Variants in MYOM2 observed in about 807,000 individuals in gnomAD.
MYOM2 encodes myomesin 2.
MYOM2 carries 254 observed loss-of-function variants against 187.6 expected under a neutral mutation model. The observed-to-expected ratio is 1.35, with a 90% CI of 1.22 to 1.50. The LOEUF is 1.50. MYOM2 is among the 40% of genes most tolerant of loss of function. The pLI is 0.00. For synonymous variants in MYOM2, 981 were observed against 753.8 expected (o/e 1.30, Z -4.94); for missense variants, 2,796 against 1,924.0 (o/e 1.45, Z -8.48).
intron 25 of MYOM2, among the ~76,000 whole-genome samples, chr8:2,112,882 G>A (rs1797113373): frequency 6.6e-6 from 1 of 152,242 alleles, no homozygotes; most frequent in Non-Finnish European, 1.5e-5. Flanking sequence ...TGTGAGAGGA[G>A]TGTGGTTCCA....
At chr8:2,130,269 C>T (rs931861657) in intron 32 of MYOM2, among the ~76,000 whole-genome samples, 17 of 140,822 alleles carry the variant, frequency 1.2e-4, no homozygotes, top group Non-Finnish European at 1.9e-4. Flanking sequence ...TAACGCCCGT[C>T]AGTACCCTAT....
chr8:2,080,030 G>A (rs1181217724), intron 13 of MYOM2, among the ~76,000 whole-genome samples: 4 of 152,164 alleles, frequency 2.6e-5, no homozygotes, highest in South Asian at 2.1e-4. Context: ...TAACTGAAAT[G>A]GATTGAGTCT....
chr8:2,071,828 G>A (rs1819232171), intron 8 of MYOM2, among the ~76,000 whole-genome samples: 2 of 152,128 alleles, frequency 1.3e-5, no homozygotes, highest in African/African-American at 2.4e-5. Flanking sequence ...GGTTGCTGAC[G>A]GCACCTGCTC....
Position 2,129,149 on chromosome 8 carries a change from G to A in MYOM2, c.3717G>A (p.Lys1239=). The A allele has an allele frequency of 6.2e-7, 1 of 1,609,042 alleles. No individual in the cohort carries two copies. The highest frequency in any genetic ancestry group is 8.5e-7 in the Non-Finnish European group (1 of 1,175,700). The change falls in exon 32 of 37, where the codon AAG becomes AAA. Residue 1239 remains lysine, a synonymous_variant. Transcript: ENST00000262113. ...CAGGGAAATCTGCTTCGCCACTGAA[G>A]GTACTCTGCACCCCAGAAGGAATAC... is the stretch of plus-strand genomic sequence containing the variant. The part of the protein sequence containing the change: ...RVCGKSASPL[K]VLCTPEGIRL...
intron 5 of MYOM2, among the ~76,000 whole-genome samples, chr8:2,058,271 G>A (rs999446373): frequency 2.0e-5 from 3 of 151,936 alleles, no homozygotes; most frequent in East Asian, 1.9e-4. Context: ...CACCTGCCTC[G>A]GCCTCCCAAA....
At chr8:2,055,933 G>A (rs1166178649) in intron 3 of MYOM2, among the ~76,000 whole-genome samples, 3 of 152,040 alleles carry the variant, frequency 2.0e-5, no homozygotes, top group Non-Finnish European at 4.4e-5. Flanking sequence ...TGCCACAGGC[G>A]GCGCTCCGGC....
chr8:2,139,115 C>A (rs1303082082), intron 32 of MYOM2, among the ~76,000 whole-genome samples: 1 of 151,432 alleles, frequency 6.6e-6, no homozygotes, highest in Non-Finnish European at 1.5e-5. Context: ...CCACCAGAGA[C>A]CGGGACGCAG....
intron 32 of MYOM2, 125 bp from the exon 33 acceptor site, chr8:2,140,598 T>C (rs1297460753): frequency 1.1e-6 from 1 of 884,320 alleles, no homozygotes; most frequent in Admixed American, 2.7e-5. Flanking sequence ...GCCAGAATAA[T>C]CTATTGTGAC....
chr8:2,116,104 G>C lies in MYOM2; in HGVS notation c.3325G>C (p.Ala1109Pro), dbSNP rs780552871. Residue 1109 changes from alanine to proline, a missense_variant and splice_region_variant, in exon 26 of 37, where the codon GCA (alanine) becomes CCA (proline). Coordinates refer to ENST00000262113, the MANE Select transcript of MYOM2 (RefSeq NM_003970.4). The stretch of plus-strand genomic sequence containing the variant: ...GTCTTCTCTAGTTCTTATTGGAGAT[G>C]GTATGCTATATCGAATATTTCCACG... The part of the protein sequence containing the change: ...SQSSLVLIGD[A>P]FKTVLEEAEF... The C allele has an allele frequency of 6.3e-7, 1 of 1,593,228 alleles. No individual in the cohort carries two copies. Among genetic ancestry groups the C allele is most frequent in the African/African-American group, 1.5e-5 (1 of 66,444 alleles).
Position 2,085,311 on chromosome 8 carries a change from T to G in MYOM2, c.1565T>G (p.Ile522Ser), listed in dbSNP as rs1438300669. 1.9e-6 allele frequency: 3 copies of G among 1,613,942 alleles called. No individual in the cohort carries two copies. The African/African-American group carries it at 4.0e-5, about 22-fold the overall frequency. ...CCCACCGGTGTGCACGCTTCCGAGA[T>G]CAGCAGAAACTATGTCGTCCTCAGC... The part of the protein sequence containing the change: ...GPPTGVHASE[I>S]SRNYVVLSWE... Residue 522 changes from isoleucine to serine, a missense_variant, in exon 14 of 37, where the codon ATC (isoleucine) becomes AGC (serine). By Grantham distance (142) the Ile-to-Ser change is moderately radical (BLOSUM62 -2). Transcript: ENST00000262113.
chr8:2,106,487 T>A lies in MYOM2; in HGVS notation c.2892-4T>A. On this transcript the variant is annotated splice_region_variant and splice_polypyrimidine_tract_variant and intron_variant, in intron 22 of 36. Transcript: ENST00000262113. ...GACATTCACCTACTCTTCTTCCTTT[T>A]TAGCTCCAAGCTGTACTTAAAGAAT... The A allele has an allele frequency of 6.2e-7, 1 of 1,611,178 alleles. No homozygotes were observed. Among genetic ancestry groups the A allele is most frequent in the Non-Finnish European group, 8.5e-7 (1 of 1,177,512 alleles).
In MYOM2 at chr8:2,126,321, C is replaced by G. The variant is rs111502073; in HGVS notation, c.3694+2104C>G. On this transcript the variant is annotated intron_variant, in intron 31 of 36. Transcript: ENST00000262113. ...GGGCTGGAGTCTCTCCCTGACATAT[C>G]AGAATGGAAGAAGTGGAAGGCATGT... Among the ~76,000 whole-genome samples, 695 of 152,198 alleles carry G rather than the reference C, an allele frequency of 4.6e-3. 4 individuals carry two copies. Among genetic ancestry groups the G allele is most frequent in the African/African-American group, 0.016 (651 of 41,496 alleles).
intron 28 of MYOM2, among the ~76,000 whole-genome samples, chr8:2,118,581 G>A (rs997487066): frequency 5.9e-5 from 9 of 152,216 alleles, no homozygotes; most frequent in Admixed American, 2.6e-4. Flanking sequence ...CGTGTGCCAA[G>A]GGGACTAAGA....
chr8:2,099,578 C>G lies in MYOM2; in HGVS notation c.2440+595C>G, dbSNP rs777397952. Among the ~76,000 whole-genome samples, 3 of 152,258 alleles carry G rather than the reference C, an allele frequency of 2.0e-5. No homozygotes were observed. In the South Asian group the frequency reaches 6.2e-4, roughly 32 times the overall value. On this transcript the variant is annotated intron_variant, in intron 19 of 36. Coordinates refer to ENST00000262113, the MANE Select transcript of MYOM2 (RefSeq NM_003970.4). ...TTGTTGCAGACCTGCATTTATTTAG[C>G]TCGCACTCTACTGGTTTTTTGTTTT...
intron 31 of MYOM2, among the ~76,000 whole-genome samples, chr8:2,128,265 A>T (rs1266023975): frequency 6.6e-6 from 1 of 152,260 alleles, no homozygotes; most frequent in East Asian, 1.9e-4. Context: ...TGTAAAAACT[A>T]AAAGTAATTT....
chr8:2,083,784 G>T (rs1211864675), intron 13 of MYOM2, among the ~76,000 whole-genome samples: 2 of 152,218 alleles, frequency 1.3e-5, no homozygotes, highest in Non-Finnish European at 2.9e-5. Context: ...TGCCCAGGCT[G>T]ATGAAGATGT....
chr8:2,047,071 A>G (rs1461801621), intron 1 of MYOM2, among the ~76,000 whole-genome samples: 1 of 152,194 alleles, frequency 6.6e-6, no homozygotes, highest in Non-Finnish European at 1.5e-5. Flanking sequence ...AAATGCAAGT[A>G]TTCCACAGTC....
intron 30 of MYOM2, 96 bp downstream of exon 30, chr8:2,123,738 A>G: frequency 2.0e-6 from 2 of 1,016,356 alleles, no homozygotes; most frequent in Admixed American, 2.1e-5. Context: ...AGCCTCAGCT[A>G]TAGCACACAT....
chr8:2,052,637 G>C (rs1412360263), intron 3 of MYOM2, among the ~76,000 whole-genome samples: 1 of 152,170 alleles, frequency 6.6e-6, no homozygotes, highest in East Asian at 1.9e-4. Flanking sequence ...AGAGCTCCAG[G>C]GTCCGTGGCT....
Sources: allele counts gnomAD v4.1 joint callset (sites outside exome capture counted in the v4.1 genomes callset), GRCh38; gene constraint gnomAD v4.1.1; transcripts MANE v1.5; gene names NCBI Gene and HGNC (gene_info 2026-07-23, HGNC 2026-07-21).